The following GPM6A variants were observed in gnomAD, a reference collection of about 807,000 sequenced individuals.
GPM6A encodes neuronal membrane glycoprotein M6-a.
Under a neutral mutation model 32.1 loss-of-function variants are expected in GPM6A, and 7 were observed. That is an observed-to-expected ratio of 0.22 (90% confidence interval 0.12 to 0.41). The LOEUF (loss-of-function observed/expected upper bound fraction) is 0.41, where lower values mean the gene tolerates loss of function less well. Among genes scored for constraint, GPM6A ranks in the 10% least tolerant of loss-of-function variants. The pLI is 1.00. For missense variants in GPM6A, 235 were observed against 347.2 expected (o/e 0.68, Z 2.57); for synonymous variants, 130 against 123.4 (o/e 1.05, Z -0.35).
At chr4:175,742,530 A>G (rs563900076) in intron 1 of GPM6A, among the ~76,000 whole-genome samples, 2 of 152,290 alleles carry the variant, frequency 1.3e-5, no homozygotes, top group East Asian at 3.9e-4. Context: ...CACTGTATTA[A>G]CAAACTCTAT....
At chr4:175,901,628 C>CTTTTTTTTTTTTTCTTTTTTT (rs59461626) in intron 1 of GPM6A, among the ~76,000 whole-genome samples, 71 of 126,716 alleles carry the variant, frequency 5.6e-4, no homozygotes, top group East Asian at 6.8e-4. Flanking sequence ...TTTTCTTTTT[C>CTTTTTTTTTTTTTCTTTTTTT]TTTTTTTTTT....
chr4:175,758,289 A>T (rs1013012039), intron 1 of GPM6A, among the ~76,000 whole-genome samples: 6 of 152,168 alleles, frequency 3.9e-5, no homozygotes, highest in African/African-American at 1.4e-4. Flanking sequence ...TTTCTTTTTT[A>T]AAAATTGGAA....
intron 1 of GPM6A, among the ~76,000 whole-genome samples, chr4:175,945,255 T>A (rs1739552653): frequency 6.6e-6 from 1 of 152,188 alleles, no homozygotes; most frequent in South Asian, 2.1e-4. Flanking sequence ...ACTGCACGTA[T>A]CACTAGATAA....
At chr4:175,635,099 G>C in intron 6 of GPM6A, 42 bp from the exon 7 acceptor site, 1 of 1,475,458 alleles carries the variant, frequency 6.8e-7, no homozygotes, top group African/African-American at 1.4e-5. Flanking sequence ...AGTTTGTTCA[G>C]TGTCTTCATT....
chr4:175,777,878 G>T (rs542054880), intron 1 of GPM6A, among the ~76,000 whole-genome samples: 39 of 152,114 alleles, frequency 2.6e-4, no homozygotes, highest in African/African-American at 8.2e-4. Context: ...TATATGATAG[G>T]AATTATTTTT....
intron 1 of GPM6A, among the ~76,000 whole-genome samples, chr4:175,951,430 G>A (rs1739807571): frequency 6.6e-6 from 1 of 152,122 alleles, no homozygotes; most frequent in African/African-American, 2.4e-5. Flanking sequence ...GAAAGAGAGA[G>A]GATAGAGTTG....
intron 2 of GPM6A, among the ~76,000 whole-genome samples, chr4:175,699,666 A>G (rs1744767773): frequency 6.6e-6 from 1 of 151,712 alleles, no homozygotes. Context: ...GGTGGAGGGG[A>G]CTGGGTTTTC....
intron 1 of GPM6A, among the ~76,000 whole-genome samples, chr4:175,982,166 C>T (rs905918006): frequency 1.3e-5 from 2 of 151,952 alleles, no homozygotes; most frequent in Non-Finnish European, 2.9e-5. Flanking sequence ...GTATATGTTT[C>T]GCAAATGATT....
intron 1 of GPM6A, among the ~76,000 whole-genome samples, chr4:175,778,627 C>CAAAAAAAAAAA (rs34286041): frequency 0.012 from 878 of 75,008 alleles, no homozygotes; most frequent in East Asian, 0.016. Flanking sequence ...CTGTATCCAA[C>CAAAAAAAAAAA]AAAAAAAAAA....
At chr4:175,651,633 G>A (rs1208180959) in intron 4 of GPM6A, among the ~76,000 whole-genome samples, 2 of 152,066 alleles carry the variant, frequency 1.3e-5, no homozygotes, top group Non-Finnish European at 2.9e-5. Flanking sequence ...TATATGTTGT[G>A]ATATTAACAT....
chr4:175,940,970 A>C (rs1739387320), intron 1 of GPM6A, among the ~76,000 whole-genome samples: 1 of 152,280 alleles, frequency 6.6e-6, no homozygotes. Context: ...CTAAAAAGCC[A>C]GATTAAACTC....
At position 175,671,477 on chromosome 4, in the gene GPM6A, G is replaced by GAAAAAAAAAAAAAAAAAAAA. The variant is rs544889132; in HGVS notation, c.387+2183_387+2202dup. Among the ~76,000 whole-genome samples, 7 of 24,408 alleles carry GAAAAAAAAAAAAAAAAAAAA rather than the reference G, an allele frequency of 2.9e-4. 2 individuals are homozygous for GAAAAAAAAAAAAAAAAAAAA. The highest frequency in any genetic ancestry group is 3.9e-3 in the South Asian group (1 of 254). 16.0% of individuals were successfully genotyped at this position (24,408 alleles called of 152,430 possible). A position where few individuals can be genotyped will look rare whatever the true frequency, so the allele number is the denominator to read the frequency against. On this transcript the variant is annotated intron_variant, in intron 3 of 6. Transcript: ENST00000393658. Reference sequence around the variant, plus strand: ...CGTAAGATACAATCTGCCTACAAACGAAAAAAAAAAAAAAAAAAAAAAAAA... The same window carrying GAAAAAAAAAAAAAAAAAAAA: ...CGTAAGATACAATCTGCCTACAAACGAAAAAAAAAAAAAAAAAAAAAAAAAAAAAAAAAAAAAAAAAAAAA...
chr4:175,658,299 G>GAA (rs200786856), intron 3 of GPM6A, among the ~76,000 whole-genome samples: 40 of 137,394 alleles, frequency 2.9e-4, no homozygotes, highest in Admixed American at 1.5e-3. Context: ...GCATATGACT[G>GAA]AAAAAAAAAA....
At chr4:175,879,430 G>A (rs1737196407) in intron 1 of GPM6A, among the ~76,000 whole-genome samples, 2 of 152,122 alleles carry the variant, frequency 1.3e-5, no homozygotes, top group Admixed American at 1.3e-4. Flanking sequence ...CATGGAGGGG[G>A]AGGCCTCAGG....
intron 1 of GPM6A, among the ~76,000 whole-genome samples, chr4:175,997,437 A>G (rs976077169): frequency 2.6e-5 from 4 of 151,782 alleles, no homozygotes; most frequent in Admixed American, 1.3e-4. Context: ...CTTAATGGAA[A>G]TAGCTTAATC....
chr4:175,936,765 AAGACTC>A (rs1209587911), intron 1 of GPM6A, among the ~76,000 whole-genome samples: 1 of 152,170 alleles, frequency 6.6e-6, no homozygotes, highest in Non-Finnish European at 1.5e-5. Context: ...AGATAAGCAC[AAGACTC>A]AGAGAAACTA....
chr4:175,810,532 A>G (rs1560945600), intron 1 of GPM6A, among the ~76,000 whole-genome samples: 4 of 152,078 alleles, frequency 2.6e-5, no homozygotes, highest in Admixed American at 2.6e-4. Context: ...GTTACCTGAG[A>G]AAAAAACATC....
chr4:175,858,138 T>C (rs1192955122), intron 1 of GPM6A, among the ~76,000 whole-genome samples: 2 of 152,162 alleles, frequency 1.3e-5, no homozygotes, highest in Non-Finnish European at 2.9e-5. Flanking sequence ...CAAATAAATA[T>C]ATGAATGGTA....
At chr4:175,827,404 A>G (rs575066257) in intron 1 of GPM6A, among the ~76,000 whole-genome samples, 27 of 152,302 alleles carry the variant, frequency 1.8e-4, no homozygotes, top group African/African-American at 5.8e-4. Context: ...GGTACATAGT[A>G]TTATTATCCC....
Sources: gnomAD v4.1 joint callset for allele counts (sites outside exome capture counted in the v4.1 genomes callset) on GRCh38, gnomAD v4.1.1 for gene constraint, MANE v1.5 for transcripts, NCBI Gene and HGNC (gene_info 2026-07-23, HGNC 2026-07-21) for gene names.